KCTD9: variants seen among roughly 807,000 people sequenced by gnomAD.
The protein encoded by KCTD9 is BTB/POZ domain-containing protein KCTD9.
In KCTD9, 17 loss-of-function variants were observed where a neutral mutation model predicts 53.3. That is an observed-to-expected ratio of 0.32 (90% CI 0.22 to 0.48). The LOEUF is 0.48. Ranked by LOEUF, KCTD9 falls within the 20% of genes least tolerant of loss-of-function variation. The pLI, the probability that KCTD9 is intolerant of heterozygous loss-of-function variation, is 0.99. For missense variants in KCTD9, 179 were observed against 465.5 expected, an observed-to-expected ratio of 0.38 and a Z score of 5.66; for synonymous variants, 128 against 162.7, an observed-to-expected ratio of 0.79 and a Z score of 1.62.
chr8:25,433,643 T>G (rs1373157533), intron 9 of KCTD9, among the ~76,000 whole-genome samples: 1 of 152,198 alleles, frequency 6.6e-6, no homozygotes, highest in Non-Finnish European at 1.5e-5. Context: ...TTTAAAGAAC[T>G]GTTTTTTAAA....
intron 1 of KCTD9, chr8:25,451,360 T>C (rs954084885): frequency 3.3e-5 from 5 of 152,182 alleles, no homozygotes; most frequent in African/African-American, 1.2e-4. Context: ...GCAATAAAAA[T>C]CTTGTATATC....
At chr8:25,446,864 C>T (rs1001767856) in intron 1 of KCTD9, among the ~76,000 whole-genome samples, 2 of 150,598 alleles carry the variant, frequency 1.3e-5, no homozygotes, top group African/African-American at 5.0e-5. Context: ...CAGATTTTAG[C>T]ATCTAACATT....
chr8:25,439,259 G>T lies in KCTD9; in HGVS notation c.499+20C>A, dbSNP rs199536181. On this transcript the variant is annotated intron_variant, in intron 6 of 11. Transcript: ENST00000221200. ...ATGTGAGTAGTTACATAATTATATTGAAAGTCTAAATAAACTCACCCAATA... is the reference window on the plus strand; with the variant it reads ...ATGTGAGTAGTTACATAATTATATTTAAAGTCTAAATAAACTCACCCAATA... The T allele has an allele frequency of 1.1e-5, 17 of 1,559,194 alleles. No homozygotes were observed. In the South Asian group the frequency reaches 2.1e-4, roughly 19 times the overall value.
chr8:25,445,719 T>C (rs2117422287), intron 2 of KCTD9, among the ~76,000 whole-genome samples: 1 of 152,184 alleles, frequency 6.6e-6, no homozygotes, highest in East Asian at 1.9e-4. Flanking sequence ...CTATCATATT[T>C]ATAAAGTTTT....
At chr8:25,436,831 A>G (rs2048086) in intron 6 of KCTD9, among the ~76,000 whole-genome samples, 61,014 of 151,718 alleles carry the variant, frequency 0.4, 12,595 homozygotes, top group African/African-American at 0.51. Flanking sequence ...GACTTGGTAT[A>G]TTTACTTATT....
chr8:25,456,253 T>C (rs1802431900), intron 1 of KCTD9, among the ~76,000 whole-genome samples: 1 of 152,186 alleles, frequency 6.6e-6, no homozygotes, highest in African/African-American at 2.4e-5. Flanking sequence ...ATAAAGTAAG[T>C]GGTACAGATA....
intron 3 of KCTD9, among the ~76,000 whole-genome samples, chr8:25,443,460 G>C (rs549271445): frequency 8.2e-4 from 111 of 135,492 alleles, no homozygotes; most frequent in African/African-American, 2.9e-3. Flanking sequence ...AAATCCATGA[G>C]TTAATAACAA....
At position 25,439,263 on chromosome 8, in the gene KCTD9, G is replaced by C; in HGVS notation, c.499+16C>G. Reference sequence around the variant, plus strand: ...GAGTAGTTACATAATTATATTGAAAGTCTAAATAAACTCACCCAATAAATT... The same window carrying C: ...GAGTAGTTACATAATTATATTGAAACTCTAAATAAACTCACCCAATAAATT... On this transcript the variant is annotated intron_variant, in intron 6 of 11. Transcript: ENST00000221200. 1 of 1,568,670 alleles carries C rather than the reference G, an allele frequency of 6.4e-7. No homozygotes were observed.
At chr8:25,446,055 C>T (rs1180487702) in intron 2 of KCTD9, 74 bp downstream of exon 2, 25 of 1,546,458 alleles carry the variant, frequency 1.6e-5, no homozygotes, top group Non-Finnish European at 2.1e-5. Context: ...GATTAAATTA[C>T]TGCTTAAGGG....
intron 1 of KCTD9, among the ~76,000 whole-genome samples, chr8:25,447,400 G>T (rs1802233911): frequency 6.6e-6 from 1 of 152,006 alleles, no homozygotes; most frequent in African/African-American, 2.4e-5. Flanking sequence ...GCTAAAAAAA[G>T]AAAAATAAGT....
intron 2 of KCTD9, among the ~76,000 whole-genome samples, chr8:25,445,475 A>G (rs190209260): frequency 2.6e-5 from 4 of 152,310 alleles, no homozygotes; most frequent in Admixed American, 2.0e-4. Flanking sequence ...ATTAAATGGT[A>G]TAACTCAGGC....
At chr8:25,456,030 A>G (rs985453773) in intron 1 of KCTD9, among the ~76,000 whole-genome samples, 1 of 152,202 alleles carries the variant, frequency 6.6e-6, no homozygotes, top group Admixed American at 6.5e-5. Context: ...AAATACGTCC[A>G]CCACTAGTTA....
chr8:25,439,916 C>T, intron 4 of KCTD9: 1 of 532,308 alleles, frequency 1.9e-6, no homozygotes, highest in South Asian at 4.3e-5. Flanking sequence ...ATCCTGTAAG[C>T]AAATTATTAC....
chr8:25,432,902 G>C (rs1459567834), intron 10 of KCTD9, among the ~76,000 whole-genome samples: 1 of 152,142 alleles, frequency 6.6e-6, no homozygotes, highest in African/African-American at 2.4e-5. Flanking sequence ...AGGGAGTGAA[G>C]TAGTCTCCTA....
chr8:25,455,184 C>A (rs2117449883), intron 1 of KCTD9, among the ~76,000 whole-genome samples: 1 of 151,990 alleles, frequency 6.6e-6, no homozygotes, highest in East Asian at 1.9e-4. Flanking sequence ...GAGATCACGC[C>A]ACTTCACTCC....
rs1005756806 is a variant in KCTD9 at position 25,428,160 on chromosome 8, G to A, written c.*1697C>T. ...TATTTCTACAGAGGTACCTTTAAGT[G>A]AATGAATACCACATTCTGTAATTCC... On this transcript the variant is annotated 3_prime_UTR_variant, in exon 12 of 12. Coordinates refer to ENST00000221200, the MANE Select transcript of KCTD9 (RefSeq NM_017634.4). 2.0e-5 allele frequency: 3 copies of A among 152,600 alleles called. No individual in the cohort carries two copies. Among genetic ancestry groups the A allele is most frequent in the African/African-American group, 7.2e-5 (3 of 41,434 alleles). 9.5% of individuals were successfully genotyped at this position (152,600 alleles called of 1,614,324 possible). A position where few individuals can be genotyped will look rare whatever the true frequency, so the allele number is the denominator to read the frequency against.
intron 1 of KCTD9, among the ~76,000 whole-genome samples, chr8:25,453,569 C>T (rs1802374066): frequency 6.6e-6 from 1 of 150,912 alleles, no homozygotes; most frequent in African/African-American, 2.4e-5. Context: ...AGGAGAATTG[C>T]TTGAACCCGG....
chr8:25,432,173 T>A (rs1419560526), intron 11 of KCTD9, among the ~76,000 whole-genome samples: 3 of 152,198 alleles, frequency 2.0e-5, no homozygotes, highest in Non-Finnish European at 4.4e-5. Context: ...ATGGTTCCAA[T>A]TTCAAATAGA....
chr8:25,446,875 T>TTA (rs144035295), intron 1 of KCTD9, among the ~76,000 whole-genome samples: 8,566 of 152,246 alleles, frequency 0.056, 746 homozygotes, highest in African/African-American at 0.19. Flanking sequence ...ATCTAACATT[T>TTA]AAGAACAGAG....
Sources: allele counts gnomAD v4.1 joint callset (sites outside exome capture counted in the v4.1 genomes callset), GRCh38; gene constraint gnomAD v4.1.1; transcripts MANE v1.5; gene names NCBI Gene and HGNC (gene_info 2026-07-23, HGNC 2026-07-21).